Variants in DEPDC1B observed in about 807,000 individuals in gnomAD.
The protein encoded by DEPDC1B is DEP domain containing 1B.
Under a neutral mutation model 66.5 loss-of-function variants are expected in DEPDC1B, and 51 were observed. The observed-to-expected ratio is 0.77, with a 90% CI of 0.61 to 0.97. The LOEUF is 0.97. Among genes scored for constraint, DEPDC1B ranks in the 50% least tolerant of loss-of-function variants. The pLI, the probability that DEPDC1B is intolerant of heterozygous loss-of-function variation, is 0.00. For synonymous variants in DEPDC1B, 226 were observed against 223.6 expected (o/e 1.01, Z -0.10); for missense variants, 552 against 637.1 (o/e 0.87, Z 1.44).
chr5:60,686,089 C>T (rs780402734), intron 2 of DEPDC1B, among the ~76,000 whole-genome samples: 4 of 152,158 alleles, frequency 2.6e-5, no homozygotes, highest in Non-Finnish European at 4.4e-5. Context: ...AAGAGGGAGA[C>T]AAAGAAATGG....
chr5:60,608,762 A>C (rs1317489987), intron 7 of DEPDC1B, among the ~76,000 whole-genome samples: 1 of 152,132 alleles, frequency 6.6e-6, no homozygotes, highest in East Asian at 1.9e-4. Context: ...ACTAAACTCT[A>C]AACAACCAGT....
chr5:60,613,792 G>T (rs954848223), intron 7 of DEPDC1B, among the ~76,000 whole-genome samples: 4 of 85,726 alleles, frequency 4.7e-5, no homozygotes. Flanking sequence ...ATGTATTTGT[G>T]TGTGTGTGTG....
chr5:60,668,529 G>A (rs974006381), intron 2 of DEPDC1B, among the ~76,000 whole-genome samples: 19 of 151,848 alleles, frequency 1.3e-4, no homozygotes, highest in African/African-American at 1.2e-4. Context: ...GCCTGCCTCG[G>A]CCTCCCAAAA....
chr5:60,613,399 C>T lies in DEPDC1B; in HGVS notation c.899-7543G>A, dbSNP rs141431030. Among the ~76,000 whole-genome samples the T allele has an allele frequency of 1.7e-3, 259 of 152,244 alleles. 1 individual carries two copies. The highest frequency in any genetic ancestry group is 5.5e-3 in the African/African-American group (229 of 41,554). ...GAGAATCATTAATGTATTCATTCAA[C>T]GAAGGTTTGAAAAGAGCATAAAATG... On this transcript the variant is annotated intron_variant, in intron 7 of 10. Coordinates refer to ENST00000265036, the MANE Select transcript of DEPDC1B (RefSeq NM_018369.3).
intron 7 of DEPDC1B, among the ~76,000 whole-genome samples, chr5:60,606,911 C>T (rs902960574): frequency 6.6e-6 from 1 of 152,062 alleles, no homozygotes; most frequent in African/African-American, 2.4e-5. Flanking sequence ...TATATCCAAC[C>T]ATTTCAAGTT....
At chr5:60,627,815 A>G (rs1752836609) in intron 7 of DEPDC1B, among the ~76,000 whole-genome samples, 1 of 152,160 alleles carries the variant, frequency 6.6e-6, no homozygotes, top group African/African-American at 2.4e-5. Context: ...AAATAAAAAA[A>G]AGATAGGAGG....
chr5:60,700,153 C>A lies in DEPDC1B; in HGVS notation c.-60G>T. Reference sequence around the variant, plus strand: ...CGCTGATCCCCGCCAGCCGGAGGAGCAGCAGTTTGAATCCCAAGCCCGCGG... The same window carrying A: ...CGCTGATCCCCGCCAGCCGGAGGAGAAGCAGTTTGAATCCCAAGCCCGCGG... On this transcript the variant is annotated 5_prime_UTR_variant, in exon 1 of 11. Transcript: ENST00000265036. 6.6e-7 allele frequency: 1 copy of A among 1,514,788 alleles called. No individual in the cohort carries two copies. Among genetic ancestry groups the A allele is most frequent in the Non-Finnish European group, 8.8e-7 (1 of 1,135,902 alleles). The allele number at this position is 1,514,788 out of a possible 1,614,324, so 93.8% of individuals were successfully genotyped here. A position where few individuals can be genotyped will look rare whatever the true frequency, so the allele number is the denominator to read the frequency against.
Position 60,700,034 on chromosome 5 carries a change from A to G in DEPDC1B, c.48+12T>C. On this transcript the variant is annotated intron_variant, in intron 1 of 10. Transcript: ENST00000265036. The stretch of plus-strand genomic sequence containing the variant: ...CCGGGTGCTCCGCCCAGGCCCCAGC[A>G]CACTCACTCACCAGCCTGGTAGCTC... The G allele has an allele frequency of 6.4e-7, 1 of 1,553,402 alleles. No homozygotes were observed. Among genetic ancestry groups the G allele is most frequent in the Non-Finnish European group, 8.7e-7 (1 of 1,150,026 alleles).
At chr5:60,608,884 G>A (rs965151405) in intron 7 of DEPDC1B, among the ~76,000 whole-genome samples, 1 of 152,110 alleles carries the variant, frequency 6.6e-6, no homozygotes, top group Non-Finnish European at 1.5e-5. Context: ...CAAGATGGAA[G>A]GATCACCTGA....
chr5:60,647,316 G>T, intron 3 of DEPDC1B, 82 bp downstream of exon 3: 1 of 1,480,464 alleles, frequency 6.8e-7, no homozygotes, highest in South Asian at 1.5e-5. Context: ...GTTCATAAAG[G>T]ACCACAGAAA....
chr5:60,638,710 A>G, intron 7 of DEPDC1B, 40 bp downstream of exon 7: 1 of 1,538,886 alleles, frequency 6.5e-7, no homozygotes, highest in Admixed American at 2.2e-5. Flanking sequence ...ACGATTCAAT[A>G]TCAGTGATGT....
intron 7 of DEPDC1B, among the ~76,000 whole-genome samples, chr5:60,618,552 T>C (rs2111773162): frequency 6.6e-6 from 1 of 152,306 alleles, no homozygotes; most frequent in Non-Finnish European, 1.5e-5. Flanking sequence ...AATGGATAAA[T>C]TCCTCGATAC....
intron 2 of DEPDC1B, among the ~76,000 whole-genome samples, chr5:60,672,409 C>G (rs1181516096): frequency 1.3e-5 from 2 of 152,110 alleles, no homozygotes; most frequent in Admixed American, 6.5e-5. Flanking sequence ...TGGCAGAAGG[C>G]AAAGGAGAAG....
At chr5:60,628,047 A>C (rs915058999) in intron 7 of DEPDC1B, among the ~76,000 whole-genome samples, 3 of 152,216 alleles carry the variant, frequency 2.0e-5, no homozygotes, top group Non-Finnish European at 4.4e-5. Context: ...CTGTGCAATC[A>C]ATCTGAGACT....
intron 7 of DEPDC1B, among the ~76,000 whole-genome samples, chr5:60,638,488 TAA>T (rs1753111574): frequency 6.6e-6 from 1 of 152,190 alleles, no homozygotes; most frequent in African/African-American, 2.4e-5. Context: ...GTCTTTTGAA[TAA>T]AAGTGACATA....
At chr5:60,664,113 AAAG>A (rs1274489571) in intron 2 of DEPDC1B, among the ~76,000 whole-genome samples, 1 of 152,220 alleles carries the variant, frequency 6.6e-6, no homozygotes, top group African/African-American at 2.4e-5. Context: ...TTCTGGCCCT[AAAG>A]AAGGCCCTAA....
At chr5:60,667,967 T>C (rs1371301750) in intron 2 of DEPDC1B, among the ~76,000 whole-genome samples, 1 of 125,354 alleles carries the variant, frequency 8.0e-6, no homozygotes, top group Non-Finnish European at 1.6e-5. Context: ...ATATAATGGA[T>C]ATTTTATATA....
chr5:60,678,370 T>A (rs2112008919), intron 2 of DEPDC1B, among the ~76,000 whole-genome samples: 1 of 152,332 alleles, frequency 6.6e-6, no homozygotes, highest in East Asian at 1.9e-4. Flanking sequence ...TCTATAAATA[T>A]TCACTTAACG....
intron 2 of DEPDC1B, among the ~76,000 whole-genome samples, chr5:60,657,437 A>T (rs550185861): frequency 1.3e-5 from 2 of 152,130 alleles, no homozygotes; most frequent in East Asian, 3.9e-4. Flanking sequence ...GGTGTATTTC[A>T]TGCATTTGTT....
Sources: allele counts gnomAD v4.1 joint callset (sites outside exome capture counted in the v4.1 genomes callset), GRCh38; gene constraint gnomAD v4.1.1; transcripts MANE v1.5; gene names NCBI Gene and HGNC (gene_info 2026-07-23, HGNC 2026-07-21).